The following SUGCT variants were observed in gnomAD, a reference collection of about 807,000 sequenced individuals.
SUGCT encodes the protein succinyl-CoA:glutarate CoA-transferase.
In SUGCT, 41 loss-of-function variants were observed where a neutral mutation model predicts 55.0. The ratio of observed to expected loss-of-function variants is 0.74; its 90% CI spans 0.58 to 0.97. The LOEUF (loss-of-function observed/expected upper bound fraction) is 0.97, where lower values mean the gene tolerates loss of function less well. SUGCT is among the 50% of genes least tolerant of loss of function. SUGCT has a pLI of 0.00. For synonymous variants in SUGCT, 187 were observed against 200.4 expected, an observed-to-expected ratio of 0.93 and a Z score of 0.56; for missense variants, 568 against 547.8, an observed-to-expected ratio of 1.04 and a Z score of -0.37.
intron 1 of SUGCT, among the ~76,000 whole-genome samples, chr7:40,140,264 A>G (rs976998907): frequency 6.6e-6 from 1 of 152,078 alleles, no homozygotes; most frequent in Non-Finnish European, 1.5e-5. Flanking sequence ...GCATATGGCA[A>G]TCCAATTTTC....
At chr7:40,608,967 A>AT (rs1047097981) in intron 12 of SUGCT, among the ~76,000 whole-genome samples, 5 of 151,634 alleles carry the variant, frequency 3.3e-5, no homozygotes, top group Admixed American at 2.0e-4. Flanking sequence ...TGTCTTTCTG[A>AT]TTTTTTTTGG....
chr7:40,280,819 A>C (rs1290089060), intron 8 of SUGCT, among the ~76,000 whole-genome samples: 1 of 152,154 alleles, frequency 6.6e-6, no homozygotes, highest in Non-Finnish European at 1.5e-5. Flanking sequence ...TAGTAAGTTT[A>C]GTGGGTTATG....
chr7:40,899,662 T>G, the SUGCT span, among the ~76,000 whole-genome samples: 23 of 152,220 alleles, frequency 1.5e-4, no homozygotes, highest in Middle Eastern at 3.4e-3. Context: ...CCTACTTTTT[T>G]TTTTGCTGTT....
intron 12 of SUGCT, among the ~76,000 whole-genome samples, chr7:40,596,933 C>G (rs188407959): frequency 6.6e-6 from 1 of 152,264 alleles, no homozygotes; most frequent in African/African-American, 2.4e-5. Flanking sequence ...TCCATGAGAT[C>G]AAGTATCATG....
the SUGCT span, among the ~76,000 whole-genome samples, chr7:40,904,097 C>G: frequency 6.6e-6 from 1 of 152,302 alleles, no homozygotes; most frequent in African/African-American, 2.4e-5. Context: ...TTTATTATAG[C>G]CCCTTTCAGC....
At position 40,274,780 on chromosome 7, in the gene SUGCT, A is replaced by G. The variant is rs1792352004; in HGVS notation, c.720+124A>G. On this transcript the variant is annotated intron_variant, in intron 8 of 13. Transcript: ENST00000335693. ...CAAAAACCAACACAACAACACTGAA[A>G]ACTGTTTCATTTTGATGTACTTGTT... is the stretch of plus-strand genomic sequence containing the variant. The G allele has an allele frequency of 3.3e-6, 3 of 898,238 alleles. No individual in the cohort carries two copies. The South Asian group carries it at 5.0e-5, about 15-fold the overall frequency. 55.6% of individuals were successfully genotyped at this position (898,238 alleles called of 1,614,324 possible).
At chr7:40,869,071 C>T in the SUGCT span, among the ~76,000 whole-genome samples, 8 of 152,154 alleles carry the variant, frequency 5.3e-5, no homozygotes, top group Non-Finnish European at 1.0e-4. Flanking sequence ...CTGATTGTCT[C>T]ACTTGGGTAG....
intron 12 of SUGCT, among the ~76,000 whole-genome samples, chr7:40,658,083 A>G (rs1480802291): frequency 6.6e-6 from 1 of 152,298 alleles, no homozygotes; most frequent in South Asian, 2.1e-4. Flanking sequence ...AAAACAACCA[A>G]AGCCTCTAAT....
chr7:40,891,885 G>C, the SUGCT span, among the ~76,000 whole-genome samples: 9 of 152,030 alleles, frequency 5.9e-5, no homozygotes, highest in African/African-American at 2.2e-4. Flanking sequence ...GTGCACACCT[G>C]TAATCCCAGC....
chr7:41,007,743 T>A, the SUGCT span, among the ~76,000 whole-genome samples: 3 of 151,524 alleles, frequency 2.0e-5, no homozygotes, highest in Non-Finnish European at 4.4e-5. Context: ...TCTTGGATTA[T>A]TTGACCATGA....
chr7:40,707,122 T>C lies in SUGCT; in HGVS notation c.1090-42312T>C, dbSNP rs190400836. Among the ~76,000 whole-genome samples, 6 of 152,260 alleles carry C rather than the reference T, an allele frequency of 3.9e-5. No individual in the cohort carries two copies. In the East Asian group the frequency reaches 1.2e-3, roughly 29 times the overall value. ...AACTGTTTGGACTGAACTCGAATAG[T>C]GACTCAGATTACATGAATTTACACC... On this transcript the variant is annotated intron_variant, in intron 12 of 13. Transcript: ENST00000335693.
chr7:40,661,965 C>T (rs1180506461), intron 12 of SUGCT, among the ~76,000 whole-genome samples: 2 of 152,180 alleles, frequency 1.3e-5, no homozygotes, highest in East Asian at 3.8e-4. Context: ...CAACTAAGGT[C>T]CAGACCTTTA....
intron 1 of SUGCT, among the ~76,000 whole-genome samples, chr7:40,139,156 A>C (rs534388385): frequency 0.011 from 1,651 of 149,370 alleles, 34 homozygotes; most frequent in African/African-American, 0.039. Context: ...ATAAATAAAT[A>C]AATAAATAAA....
At chr7:40,193,867 C>T (rs931857117) in intron 5 of SUGCT, among the ~76,000 whole-genome samples, 1 of 152,108 alleles carries the variant, frequency 6.6e-6, no homozygotes, top group Non-Finnish European at 1.5e-5. Flanking sequence ...TCCCAAAGTG[C>T]TGGGACTATA....
intron 13 of SUGCT, among the ~76,000 whole-genome samples, chr7:40,827,485 C>T (rs1348764480): frequency 2.0e-5 from 3 of 152,156 alleles, no homozygotes; most frequent in Admixed American, 1.3e-4. Context: ...AGTGTCATTT[C>T]CCTGCTCACC....
intron 7 of SUGCT, among the ~76,000 whole-genome samples, chr7:40,259,815 A>G (rs145563401): frequency 4.9e-4 from 74 of 152,240 alleles, no homozygotes; most frequent in African/African-American, 1.8e-3. Context: ...TCTTGACCTT[A>G]TTAGATCTTT....
intron 12 of SUGCT, among the ~76,000 whole-genome samples, chr7:40,587,323 CAA>C (rs1255811493): frequency 3.3e-5 from 5 of 152,118 alleles, no homozygotes; most frequent in African/African-American, 1.2e-4. Flanking sequence ...GAATGATAAA[CAA>C]AGACAGACTT....
chr7:40,246,777 T>G (rs950120315), intron 7 of SUGCT, among the ~76,000 whole-genome samples: 5 of 151,912 alleles, frequency 3.3e-5, no homozygotes, highest in African/African-American at 1.2e-4. Context: ...TTTTGTATTT[T>G]TGGTAGAGAC....
intron 13 of SUGCT, among the ~76,000 whole-genome samples, chr7:40,809,699 G>C (rs1055396199): frequency 6.6e-6 from 1 of 152,078 alleles, no homozygotes; most frequent in Non-Finnish European, 1.5e-5. Context: ...GTGTGATGCT[G>C]AGGTTTGGGA....
Sources: allele counts gnomAD v4.1 joint callset (sites outside exome capture counted in the v4.1 genomes callset), GRCh38; gene constraint gnomAD v4.1.1; transcripts MANE v1.5; gene names NCBI Gene and HGNC (gene_info 2026-07-23, HGNC 2026-07-21).